PHIP: variants seen among roughly 807,000 people sequenced by gnomAD.
PHIP encodes the protein PH-interacting protein.
A neutral mutation model predicts 236.8 loss-of-function variants in PHIP; 54 were observed. The ratio of observed to expected loss-of-function variants is 0.23; its 90% CI spans 0.18 to 0.29. The LOEUF (loss-of-function observed/expected upper bound fraction) is 0.29, where lower values mean the gene tolerates loss of function less well. Ranked by LOEUF, PHIP falls within the 10% of genes least tolerant of loss-of-function variation. The probability of loss-of-function intolerance (pLI) is 1.00; values close to 1 mark genes in which losing one functional copy is unlikely to be tolerated. For synonymous variants in PHIP, 756 were observed against 718.9 expected (o/e 1.05, Z -0.83); for missense variants, 1,370 against 2,190.8 (o/e 0.63, Z 7.48).
At position 79,020,154 on chromosome 6, in the gene PHIP, G is replaced by A. The variant is rs550541714; in HGVS notation, c.924-995C>T. 7.3e-5 allele frequency among the ~76,000 whole-genome samples: 11 copies of A among 151,500 alleles called. No homozygotes were observed. In the East Asian group the frequency reaches 1.4e-3, roughly 19 times the overall value. ...TATAGGTTGGTGCAAAAATAATTGC[G>A]GTTTTGCCTTTTTTTTAAAAAAAAG... On this transcript the variant is annotated intron_variant, in intron 9 of 39. Coordinates refer to ENST00000275034, the MANE Select transcript of PHIP (RefSeq NM_017934.7).
At chr6:79,037,565 A>G (rs954273653) in intron 7 of PHIP, among the ~76,000 whole-genome samples, 6 of 152,148 alleles carry the variant, frequency 3.9e-5, no homozygotes, top group African/African-American at 1.4e-4. Context: ...TCTGCTAATT[A>G]AAAAATAATA....
chr6:78,952,693 T>C (rs1335065310), intron 35 of PHIP, among the ~76,000 whole-genome samples: 1 of 152,198 alleles, frequency 6.6e-6, no homozygotes, highest in Non-Finnish European at 1.5e-5. Flanking sequence ...GTCCAGTAAG[T>C]TTAATTTCAG....
chr6:78,999,862 T>C (rs1769874850), intron 17 of PHIP, among the ~76,000 whole-genome samples: 1 of 152,044 alleles, frequency 6.6e-6, no homozygotes, highest in Non-Finnish European at 1.5e-5. Flanking sequence ...AAAGTAGAAG[T>C]AGTAAAAGCA....
intron 6 of PHIP, among the ~76,000 whole-genome samples, chr6:79,050,828 T>C (rs1351296454): frequency 6.6e-6 from 1 of 152,182 alleles, no homozygotes; most frequent in Non-Finnish European, 1.5e-5. Context: ...TATTATGCTA[T>C]AGAGAATGAC....
intron 7 of PHIP, among the ~76,000 whole-genome samples, chr6:79,028,404 T>C (rs1180366452): frequency 6.6e-6 from 1 of 152,110 alleles, no homozygotes; most frequent in South Asian, 2.1e-4. Flanking sequence ...ACACAAATTA[T>C]TATAGCAAAA....
intron 9 of PHIP, among the ~76,000 whole-genome samples, chr6:79,024,028 T>C (rs1348302429): frequency 6.6e-6 from 1 of 152,232 alleles, no homozygotes; most frequent in African/African-American, 2.4e-5. Context: ...CTTTTATCTA[T>C]CTACAGAAAG....
intron 6 of PHIP, among the ~76,000 whole-genome samples, chr6:79,055,778 C>G (rs1387358917): frequency 6.6e-6 from 1 of 152,200 alleles, no homozygotes; most frequent in Non-Finnish European, 1.5e-5. Context: ...AACACTGAGA[C>G]AAGCTCAAGT....
Position 78,963,204 on chromosome 6 carries a change from T to C in PHIP, c.3428A>G (p.Glu1143Gly). ...AGGTTTATAGATTAGTGATCTGCAC[T>C]CACCATCAGTTAAAGGAACACTGGT... ...LGTSVPLTDG[E>G]CRSLIYKPLD... Residue 1143 changes from glutamate to glycine, a missense_variant, in exon 30 of 40, where the codon GAG (glutamate) becomes GGG (glycine). Around this residue, in one of 14 missense-constraint regions of PHIP, gnomAD observed 238 missense variants for 398.5 expected, o/e 0.60. Transcript: ENST00000275034. The C allele has an allele frequency of 6.2e-7, 1 of 1,609,374 alleles. No individual in the cohort carries two copies. Among genetic ancestry groups the C allele is most frequent in the Non-Finnish European group, 8.5e-7 (1 of 1,177,872 alleles).
intron 4 of PHIP, among the ~76,000 whole-genome samples, chr6:79,071,343 G>T (rs1350447345): frequency 6.6e-6 from 1 of 152,036 alleles, no homozygotes; most frequent in Non-Finnish European, 1.5e-5. Flanking sequence ...TCACCAATTT[G>T]TTATAAAATA....
intron 21 of PHIP, among the ~76,000 whole-genome samples, chr6:78,987,608 A>T (rs1446106595): frequency 6.6e-6 from 1 of 152,146 alleles, no homozygotes; most frequent in Non-Finnish European, 1.5e-5. Flanking sequence ...AGGTGATGGG[A>T]AAGGTTGAGA....
intron 24 of PHIP, among the ~76,000 whole-genome samples, chr6:78,975,925 A>G (rs1768023598): frequency 2.0e-5 from 3 of 151,100 alleles, no homozygotes; most frequent in African/African-American, 4.8e-5. Context: ...GGAAGAATCA[A>G]TATTGTGAAA....
Position 78,954,823 on chromosome 6 carries a change from AAGG to A in PHIP, c.4041_4043del (p.Leu1348del), listed in dbSNP as rs1766307622. On this transcript the variant is annotated inframe_deletion, in exon 35 of 40. Coordinates refer to ENST00000275034, the MANE Select transcript of PHIP (RefSeq NM_017934.7). ...TTTCAAAAATACTTACTGGATATTCAAGGAGATCTACCGGCTGACGGAAAGGCT... is the reference window on the plus strand; with the variant it reads ...TTTCAAAAATACTTACTGGATATTCAAGATCTACCGGCTGACGGAAAGGCT... 1.3e-6 allele frequency: 2 copies of A among 1,579,196 alleles called. No individual in the cohort carries two copies. The highest frequency in any genetic ancestry group is 8.6e-7 in the Non-Finnish European group (1 of 1,167,688).
chr6:79,041,832 GA>G (rs1306987708), intron 7 of PHIP, among the ~76,000 whole-genome samples: 1 of 152,010 alleles, frequency 6.6e-6, no homozygotes, highest in Non-Finnish European at 1.5e-5. Context: ...CAAGGGAAAA[GA>G]AAAGTATAAA....
chr6:78,984,196 A>G (rs1768724190), intron 22 of PHIP, among the ~76,000 whole-genome samples: 1 of 152,208 alleles, frequency 6.6e-6, no homozygotes, highest in South Asian at 2.1e-4. Flanking sequence ...ATCTCTGATT[A>G]TCCTAATCAT....
Position 78,955,295 on chromosome 6 carries a change from A to C in PHIP, c.3853-13T>G. 1 of 1,589,138 alleles carries C rather than the reference A, an allele frequency of 6.3e-7. No individual in the cohort carries two copies. The highest frequency in any genetic ancestry group is 1.1e-5 in the South Asian group (1 of 89,146). On this transcript the variant is annotated splice_polypyrimidine_tract_variant and intron_variant, in intron 33 of 39. Coordinates refer to ENST00000275034, the MANE Select transcript of PHIP (RefSeq NM_017934.7). Reference sequence around the variant, plus strand: ...CTTTCTCTTCATCCTTTGAGGCAAGAATTTACCAGATTCATAAAACATTTT... The same window carrying C: ...CTTTCTCTTCATCCTTTGAGGCAAGCATTTACCAGATTCATAAAACATTTT...
At chr6:79,068,903 T>C (rs1433580891) in intron 4 of PHIP, among the ~76,000 whole-genome samples, 1 of 152,122 alleles carries the variant, frequency 6.6e-6, no homozygotes, top group African/African-American at 2.4e-5. Flanking sequence ...ACCCTGCTGT[T>C]TGGCACCAGT....
intron 6 of PHIP, among the ~76,000 whole-genome samples, chr6:79,059,625 A>ATATATATAT (rs1562216779): frequency 3.4e-5 from 2 of 58,188 alleles, no homozygotes; most frequent in African/African-American, 4.9e-5. Context: ...ATATATATAT[A>ATATATATAT]AAAATGCCAA....
intron 6 of PHIP, among the ~76,000 whole-genome samples, chr6:79,043,677 T>C (rs2050663): frequency 0.46 from 69,918 of 151,818 alleles, 16,593 homozygotes; most frequent in East Asian, 0.69. Flanking sequence ...GCTTGATACA[T>C]TGACTCCAGC....
chr6:79,062,363 G>GA (rs1217309815), intron 4 of PHIP, among the ~76,000 whole-genome samples: 3 of 152,056 alleles, frequency 2.0e-5, no homozygotes, highest in Non-Finnish European at 4.4e-5. Flanking sequence ...TTACCAAAAT[G>GA]AGTTTTTAAA....
Sources: gnomAD v4.1 joint callset for allele counts (sites outside exome capture counted in the v4.1 genomes callset) on GRCh38, gnomAD v4.1.1 for gene constraint, gnomAD v4.1.1 regional missense constraint, MANE v1.5 for transcripts, NCBI Gene and HGNC (gene_info 2026-07-23, HGNC 2026-07-21) for gene names.